The following CDC42BPA variants were observed in gnomAD, a reference collection of about 807,000 sequenced individuals.
CDC42BPA encodes CDC42 binding protein kinase alpha.
Under a neutral mutation model 223.5 loss-of-function variants are expected in CDC42BPA, and 80 were observed. The ratio of observed to expected loss-of-function variants is 0.36; its 90% confidence interval spans 0.30 to 0.43. The LOEUF is 0.43. Among genes scored for constraint, CDC42BPA ranks in the 20% least tolerant of loss-of-function variants. The pLI is 1.00. For missense variants in CDC42BPA, 1,743 were observed against 2,099.9 expected (o/e 0.83, Z 3.32); for synonymous variants, 694 against 718.6 (o/e 0.97, Z 0.55).
chr1:227,112,223 C>T, intron 14 of CDC42BPA, 89 bp downstream of exon 14: 1 of 624,886 alleles, frequency 1.6e-6, no homozygotes, highest in South Asian at 3.6e-5. Flanking sequence ...TTTCACTGCA[C>T]ACCGAATACA....
At chr1:227,098,027 C>T (rs931462739) in intron 15 of CDC42BPA, among the ~76,000 whole-genome samples, 3 of 152,194 alleles carry the variant, frequency 2.0e-5, no homozygotes, top group African/African-American at 7.2e-5. Context: ...ACTTTCACTC[C>T]TGTTCTAAAA....
At chr1:227,050,777 A>C (rs1673383100) in intron 22 of CDC42BPA, among the ~76,000 whole-genome samples, 1 of 152,154 alleles carries the variant, frequency 6.6e-6, no homozygotes, top group African/African-American at 2.4e-5. Flanking sequence ...AAAACCAAGA[A>C]AGGGAAGATG....
chr1:227,284,066 T>C (rs977239950), intron 1 of CDC42BPA, among the ~76,000 whole-genome samples: 20 of 152,146 alleles, frequency 1.3e-4, no homozygotes, highest in Non-Finnish European at 1.8e-4. Flanking sequence ...AAAAAATATA[T>C]ATACTTTTTA....
At chr1:227,061,281 AT>A (rs1439309892) in intron 21 of CDC42BPA, among the ~76,000 whole-genome samples, 3 of 152,162 alleles carry the variant, frequency 2.0e-5, no homozygotes, top group African/African-American at 4.8e-5. Flanking sequence ...TCTAGCTATC[AT>A]CTATCTCCCT....
intron 15 of CDC42BPA, among the ~76,000 whole-genome samples, chr1:227,092,362 T>A (rs1683231226): frequency 6.6e-6 from 1 of 152,192 alleles, no homozygotes; most frequent in African/African-American, 2.4e-5. Context: ...CTAAATTGTA[T>A]ATATATGGCA....
intron 1 of CDC42BPA, among the ~76,000 whole-genome samples, chr1:227,261,148 C>T (rs1487079801): frequency 2.9e-5 from 1 of 34,576 alleles, no homozygotes; most frequent in East Asian, 1.0e-3. Context: ...CAGAGTCTCG[C>T]TCTGTTGCCC....
intron 1 of CDC42BPA, among the ~76,000 whole-genome samples, chr1:227,255,345 A>T (rs1363898615): frequency 6.6e-6 from 1 of 152,218 alleles, no homozygotes; most frequent in African/African-American, 2.4e-5. Flanking sequence ...CTCTGATCTA[A>T]AAGTATGCAT....
Position 227,033,394 on chromosome 1 carries a change from A to G in CDC42BPA, c.3498T>C (p.Ser1166=), listed in dbSNP as rs377582777. ...GGATAACATCAGAAGCCAAGACTGA[A>G]CTCACAGAAAATTCTTCATCCCTGA... ...IDMRDEEFSV[S]SVLASDVIHA... The change falls in exon 27 of 37, where the codon AGT becomes AGC. Residue 1166 remains serine, a synonymous_variant. Coordinates refer to ENST00000366766, the MANE Select transcript of CDC42BPA (RefSeq NM_001394014.1). 6.2e-7 allele frequency: 1 copy of G among 1,613,274 alleles called. No individual in the cohort carries two copies. Among genetic ancestry groups the G allele is most frequent in the African/African-American group, 1.3e-5 (1 of 74,906 alleles).
intron 32 of CDC42BPA, among the ~76,000 whole-genome samples, chr1:227,021,666 A>G (rs1018086666): frequency 2.6e-5 from 4 of 151,904 alleles, no homozygotes; most frequent in Non-Finnish European, 4.4e-5. Context: ...TTTTTTTTTG[A>G]TAGTAGAAAA....
At chr1:227,196,338 C>CTTTTTTTTTTTTTTCTTTT (rs1670688852) in intron 4 of CDC42BPA, among the ~76,000 whole-genome samples, 16 of 92,356 alleles carry the variant, frequency 1.7e-4, no homozygotes, top group African/African-American at 6.1e-4. Context: ...TTAAACAATA[C>CTTTTTTTTTTTTTTCTTTT]TTTTTTTTTT....
intron 15 of CDC42BPA, among the ~76,000 whole-genome samples, chr1:227,097,891 C>A (rs1684309087): frequency 1.3e-5 from 2 of 151,458 alleles, no homozygotes; most frequent in South Asian, 4.1e-4. Context: ...CAGAAGCATG[C>A]CAAGTCAAAG....
Position 227,084,460 on chromosome 1 carries a change from G to A in CDC42BPA, c.2356-3443C>T, listed in dbSNP as rs552693247. Among the ~76,000 whole-genome samples, 26 of 151,410 alleles carry A rather than the reference G, an allele frequency of 1.7e-4. No homozygotes were observed. In the South Asian group the frequency reaches 4.0e-3, roughly 23 times the overall value. On this transcript the variant is annotated intron_variant, in intron 16 of 36. Coordinates refer to ENST00000366766, the MANE Select transcript of CDC42BPA (RefSeq NM_001394014.1). ...GGAAAATCGCTTGAACTCAGGAGGCGGAGGTTGCAACGAGCAGAGATAGTG... is the reference window on the plus strand; with the variant it reads ...GGAAAATCGCTTGAACTCAGGAGGCAGAGGTTGCAACGAGCAGAGATAGTG...
At chr1:227,228,675 A>G (rs920942511) in intron 2 of CDC42BPA, among the ~76,000 whole-genome samples, 1 of 152,080 alleles carries the variant, frequency 6.6e-6, no homozygotes, top group African/African-American at 2.4e-5. Context: ...CAATTTCCCT[A>G]TATCTTCATC....
intron 2 of CDC42BPA, among the ~76,000 whole-genome samples, chr1:227,245,490 C>T (rs560062703): frequency 1.3e-5 from 2 of 152,158 alleles, no homozygotes; most frequent in South Asian, 4.2e-4. Flanking sequence ...AGGGTTTCAC[C>T]ATGTTGGCCA....
chr1:227,115,231 C>T (rs949695940), intron 12 of CDC42BPA, among the ~76,000 whole-genome samples: 1 of 152,006 alleles, frequency 6.6e-6, no homozygotes, highest in African/African-American at 2.4e-5. Context: ...AGTAGAAACA[C>T]ATCCATATAC....
In CDC42BPA at chr1:227,026,694, T is replaced by C. The variant is rs1369150138; in HGVS notation, c.4433-542A>G. 4.6e-5 allele frequency among the ~76,000 whole-genome samples: 7 copies of C among 152,222 alleles called. No individual in the cohort carries two copies. The East Asian group carries it at 9.6e-4, about 21-fold the overall frequency. On this transcript the variant is annotated intron_variant, in intron 30 of 36. Transcript: ENST00000366766. Reference sequence around the variant, plus strand: ...TAAACTAAGGTTACAAAGGGAATTATTGAAAGAGCTACACAAAAAAGTCAG... The same window carrying C: ...TAAACTAAGGTTACAAAGGGAATTACTGAAAGAGCTACACAAAAAAGTCAG...
At chr1:227,285,365 G>GT (rs1688649785) in intron 1 of CDC42BPA, among the ~76,000 whole-genome samples, 1 of 152,190 alleles carries the variant, frequency 6.6e-6, no homozygotes, top group Non-Finnish European at 1.5e-5. Context: ...CATATATCAA[G>GT]TTAAGCACCA....
chr1:227,213,014 C>T, intron 3 of CDC42BPA, 122 bp downstream of exon 3: 3 of 520,610 alleles, frequency 5.8e-6, no homozygotes, highest in Non-Finnish European at 1.0e-5. Context: ...TCTTTTATGC[C>T]TTAAAAAATG....
intron 22 of CDC42BPA, among the ~76,000 whole-genome samples, chr1:227,050,439 A>G (rs1673317572): frequency 6.6e-6 from 1 of 152,198 alleles, no homozygotes; most frequent in Non-Finnish European, 1.5e-5. Context: ...TATAACATAC[A>G]ACTCAGTAAT....
Sources: gnomAD v4.1 joint callset for allele counts (sites outside exome capture counted in the v4.1 genomes callset) on GRCh38, gnomAD v4.1.1 for gene constraint, MANE v1.5 for transcripts, NCBI Gene and HGNC (gene_info 2026-07-23, HGNC 2026-07-21) for gene names.